MCM7: variants seen among roughly 807,000 people sequenced by gnomAD.
MCM7 encodes minichromosome maintenance complex component 7, also known as DNA replication licensing factor MCM7.
MCM7 carries 95 observed loss-of-function variants against 83.5 expected under a neutral mutation model. The observed-to-expected ratio is 1.14, with a 90% confidence interval of 0.96 to 1.35. The LOEUF (loss-of-function observed/expected upper bound fraction) is 1.35. Ranked by LOEUF, MCM7 falls within the 40% of genes most tolerant of loss-of-function variation. The pLI, the probability that MCM7 is intolerant of heterozygous loss-of-function variation, is 0.00. For missense variants in MCM7, 1,087 were observed against 957.4 expected (o/e 1.14, Z -1.79); for synonymous variants, 461 against 352.7 (o/e 1.31, Z -3.44).
intron 1 of MCM7, 61 bp downstream of exon 1, chr7:100,101,197 CACACCA>C (rs1796004177): frequency 1.9e-6 from 3 of 1,593,104 alleles, no homozygotes; most frequent in Non-Finnish European, 8.6e-7. Context: ...GACCCCAGCT[CACACCA>C]ACAGGTGTTC....
Position 100,100,067 on chromosome 7 carries a change from A to G in MCM7, c.58T>C (p.Phe20Leu). The part of the protein sequence containing the change: ...KEKVKKFLQE[F>L]YQDDELGKKQ... Reference sequence around the variant, plus strand: ...TTCCCGAGTTCATCATCCTGGTAGAACTCTTGTAAGAACTTCTTAACCTTT... The same window carrying G: ...TTCCCGAGTTCATCATCCTGGTAGAGCTCTTGTAAGAACTTCTTAACCTTT... Residue 20 changes from phenylalanine (F) to leucine (L), a missense_variant, in exon 2 of 15, where the codon TTC (phenylalanine) becomes CTC (leucine). Physicochemically the swap from Phe to Leu is conservative, Grantham distance 22. Transcript: ENST00000303887. 6.2e-7 allele frequency: 1 copy of G among 1,614,074 alleles called. No homozygotes were observed. The highest frequency in any genetic ancestry group is 8.5e-7 in the Non-Finnish European group (1 of 1,180,000).
At chr7:100,100,342 T>A (rs1795908323) in intron 1 of MCM7, 1 of 1,163,118 alleles carries the variant, frequency 8.6e-7, no homozygotes, top group Non-Finnish European at 1.1e-6. Flanking sequence ...CCTACTTTAG[T>A]TTAAAATTCT....
At position 100,097,290 on chromosome 7, in the gene MCM7, C is replaced by T. The variant is rs1795690767; in HGVS notation, c.1201+11G>A. On this transcript the variant is annotated intron_variant, in intron 10 of 14. Transcript: ENST00000303887. ...CACTATATTCACCTCCCGCAAAGCC[C>T]AACTACTTACTGCGAGGCGCCAGTC... is the stretch of plus-strand genomic sequence containing the variant. 1 of 1,613,530 alleles carries T rather than the reference C, an allele frequency of 6.2e-7. No homozygotes were observed.
In MCM7 at chr7:100,099,223, A is replaced by G. The variant is rs1423204717; in HGVS notation, c.402-20T>C. On this transcript the variant is annotated intron_variant, in intron 4 of 14. Transcript: ENST00000303887. ...AGCTCACTAAGGGGAGAAAACAGTC[A>G]CAAACAAGATCCTGGAGAACCAATC... The G allele has an allele frequency of 1.9e-6, 3 of 1,613,922 alleles. No individual in the cohort carries two copies. The African/African-American group carries it at 4.0e-5, about 22-fold the overall frequency.
chr7:100,100,759 C>G (rs898137154), intron 1 of MCM7: 28 of 991,484 alleles, frequency 2.8e-5, no homozygotes, highest in Non-Finnish European at 3.2e-5. Flanking sequence ...CACGACACTC[C>G]CTCCAGCCTC....
chr7:100,101,130 G>A (rs947501721), intron 1 of MCM7, 134 bp downstream of exon 1: 5 of 1,139,350 alleles, frequency 4.4e-6, no homozygotes, highest in Admixed American at 2.0e-5. Context: ...CCAGGCCGCA[G>A]CTCGACCCTG....
intron 10 of MCM7, among the ~76,000 whole-genome samples, chr7:100,096,427 A>C (rs933354257): frequency 3.9e-5 from 6 of 152,138 alleles, no homozygotes; most frequent in Admixed American, 6.5e-5. Context: ...TCAGCCTCCC[A>C]AGTAACTGAG....
intron 10 of MCM7, among the ~76,000 whole-genome samples, chr7:100,096,734 C>A (rs1417911016): frequency 6.6e-6 from 1 of 151,768 alleles, no homozygotes; most frequent in Non-Finnish European, 1.5e-5. Flanking sequence ...AAGACCATGC[C>A]ATTGCACTCC....
At chr7:100,101,025 A>C (rs1484910272) in intron 1 of MCM7, among the ~76,000 whole-genome samples, 1 of 151,958 alleles carries the variant, frequency 6.6e-6, no homozygotes, top group African/African-American at 2.4e-5. Context: ...CAAGCCCCCA[A>C]CCCCACGACC....
At position 100,098,642 on chromosome 7, in the gene MCM7, C is replaced by T. The variant is rs988563006; in HGVS notation, c.656G>A (p.Arg219Gln). ...GGAGCCCCGTGTCTGCAGATACAGC[C>T]GCCCTCCTGAGCGGTTGGTTTGGCA... ...QECQTNRSGG[R>Q]LYLQTRGSRF... Residue 219 changes from arginine (R) to glutamine (Q), a missense_variant, in exon 6 of 15, where the codon CGG becomes CAG. Arg to Gln is a conservative substitution (Grantham distance 43, BLOSUM62 1). Coordinates refer to ENST00000303887, the MANE Select transcript of MCM7 (RefSeq NM_005916.5). 8 of 1,614,050 alleles carry T rather than the reference C, an allele frequency of 5.0e-6. No individual in the cohort carries two copies. Among genetic ancestry groups the T allele is most frequent in the East Asian group, 2.2e-5 (1 of 44,884 alleles).
intron 10 of MCM7, 87 bp from the exon 11 acceptor site, chr7:100,096,254 G>T: frequency 7.4e-7 from 1 of 1,346,382 alleles, no homozygotes; most frequent in Non-Finnish European, 9.9e-7. Flanking sequence ...GGGAGGCGAG[G>T]CCTGCGCTGG....
intron 5 of MCM7, 49 bp downstream of exon 5, chr7:100,098,974 C>A: frequency 6.2e-7 from 1 of 1,609,160 alleles, no homozygotes; most frequent in Middle Eastern, 1.7e-4. Flanking sequence ...TTAATCTCTA[C>A]AAAACAACTA....
intron 11 of MCM7, 64 bp downstream of exon 11, chr7:100,095,710 C>T (rs1031118823): frequency 2.0e-6 from 3 of 1,501,730 alleles, no homozygotes; most frequent in East Asian, 2.3e-5. Context: ...TTCTGATTCA[C>T]CTCTCCTCCT....
chr7:100,098,820 T>C (rs1461279067), intron 5 of MCM7, 105 bp from the exon 6 acceptor site: 7 of 1,483,092 alleles, frequency 4.7e-6, no homozygotes, highest in Non-Finnish European at 6.4e-6. Context: ...ATCTTGTAAG[T>C]GTCAAGAACC....
intron 1 of MCM7, chr7:100,100,928 G>C: frequency 9.7e-7 from 1 of 1,030,174 alleles, no homozygotes; most frequent in East Asian, 4.8e-5. Flanking sequence ...AGGAAAGCGG[G>C]CACGGGAGCC....
rs1437494458 is a variant in MCM7 at position 100,096,029 on chromosome 7, A to T, written c.1340T>A (p.Phe447Tyr). ...GCGGTCGGCCTCAGCCATCTTGTCG[A>T]ACTCATCAATGCAGCACACACCCTG... ...ADQGVCCIDE[F>Y]DKMAEADRTA... The change falls in exon 11 of 15, where the codon TTC becomes TAC. Residue 447 changes from phenylalanine (F) to tyrosine (Y), a missense_variant. Transcript: ENST00000303887. The T allele has an allele frequency of 6.2e-7, 1 of 1,613,812 alleles. No homozygotes were observed. The highest frequency in any genetic ancestry group is 8.5e-7 in the Non-Finnish European group (1 of 1,179,990).
In MCM7 at chr7:100,099,690, C is replaced by A. The variant is rs1795844132; in HGVS notation, c.175G>T (p.Asp59Tyr). ...YVDLDDVAEDDPELVDSICEN... is the reference protein window; with the variant it reads ...YVDLDDVAEDYPELVDSICEN... ...CAAATTGAGTCCACCAACTCGGGGT[C>A]ATCCTCGGCTACGTCGTCCAGGTCC... The change falls in exon 3 of 15, where the codon GAC becomes TAC. Residue 59 changes from aspartate (D) to tyrosine (Y), a missense_variant. Transcript: ENST00000303887. The A allele has an allele frequency of 6.2e-7, 1 of 1,614,112 alleles. No individual in the cohort carries two copies. The highest frequency in any genetic ancestry group is 1.3e-5 in the African/African-American group (1 of 74,944).
rs1374505780 is a variant in MCM7, at chr7:100,095,869, G to A, written c.1500C>T (p.Ser500=). The part of the protein sequence containing the change: ...PAYGRYNPRR[S]LEQNIQLPAA... ...CAGGTAGCTGTATGTTCTGCTCCAG[G>A]CTGCGGCGAGGGTTGTAGCGCCCGT... is the stretch of plus-strand genomic sequence containing the variant. Residue 500 remains serine (S), a synonymous_variant, in exon 11 of 15, where the codon AGC becomes AGT. Transcript: ENST00000303887. 6.2e-7 allele frequency: 1 copy of A among 1,613,498 alleles called. No homozygotes were observed. Among genetic ancestry groups the A allele is most frequent in the Middle Eastern group, 1.7e-4 (1 of 6,058 alleles).
chr7:100,097,496 C>T, intron 9 of MCM7, 112 bp from the exon 10 acceptor site: 2 of 1,576,404 alleles, frequency 1.3e-6, no homozygotes, highest in South Asian at 1.1e-5. Flanking sequence ...TCTAAGCCCT[C>T]CCTGTGTCCA....
Sources: allele counts gnomAD v4.1 joint callset (sites outside exome capture counted in the v4.1 genomes callset), GRCh38; gene constraint gnomAD v4.1.1; transcripts MANE v1.5; gene names NCBI Gene and HGNC (gene_info 2026-07-23, HGNC 2026-07-21).